Variants in MICU3 observed in about 807,000 individuals in gnomAD.
MICU3 encodes the protein mitochondrial calcium uptake 3.
Under a neutral mutation model 66.5 loss-of-function variants are expected in MICU3, and 62 were observed. The observed-to-expected ratio is 0.93, with a 90% confidence interval of 0.76 to 1.15. The LOEUF (loss-of-function observed/expected upper bound fraction) is 1.15. Ranked by LOEUF, MICU3 falls within the 50% of genes most tolerant of loss-of-function variation. The pLI is 0.00. For missense variants in MICU3, 779 were observed against 664.4 expected, an observed-to-expected ratio of 1.17 and a Z score of -1.90; for synonymous variants, 308 against 240.7, an observed-to-expected ratio of 1.28 and a Z score of -2.59.
intron 1 of MICU3, among the ~76,000 whole-genome samples, chr8:17,050,904 A>C (rs760190744): frequency 1.3e-5 from 2 of 152,040 alleles, no homozygotes; most frequent in Non-Finnish European, 2.9e-5. Context: ...ACATGTTTGC[A>C]TTTATTTTTG....
At chr8:17,131,572 G>C in the MICU3 span, 2 of 152,382 alleles carry the variant, frequency 1.3e-5, no homozygotes, top group East Asian at 3.8e-4. Flanking sequence ...AAGATGTGGG[G>C]AGCAGTGACT....
chr8:17,052,048 A>G (rs1030965940), intron 1 of MICU3, among the ~76,000 whole-genome samples: 2 of 152,196 alleles, frequency 1.3e-5, no homozygotes, highest in Non-Finnish European at 2.9e-5. Flanking sequence ...GGAGGTCTAC[A>G]TGCTGAACCA....
At chr8:17,137,704 CCTTTTTTTT>C in the MICU3 span, among the ~76,000 whole-genome samples, 1 of 88,802 alleles carries the variant, frequency 1.1e-5, no homozygotes, top group Admixed American at 1.4e-4. Flanking sequence ...ATTTTCTTTT[CCTTTTTTTT>C]TTTTTTTTTT....
In MICU3 at chr8:17,086,203, C is replaced by T. The variant is rs555447371; in HGVS notation, c.778-761C>T. On this transcript the variant is annotated intron_variant, in intron 6 of 14. Transcript: ENST00000318063. ...CCTTTGTAACATAGCTGTAAAAATTCCTCAGAAAACCTCTGAAAGAGCTTC... is the reference window on the plus strand; with the variant it reads ...CCTTTGTAACATAGCTGTAAAAATTTCTCAGAAAACCTCTGAAAGAGCTTC... Among the ~76,000 whole-genome samples the T allele has an allele frequency of 2.6e-5, 4 of 152,050 alleles. No homozygotes were observed. The East Asian group carries it at 7.8e-4, about 29-fold the overall frequency.
intron 1 of MICU3, among the ~76,000 whole-genome samples, chr8:17,030,402 G>C (rs752050917): frequency 6.6e-6 from 1 of 152,346 alleles, no homozygotes; most frequent in East Asian, 1.9e-4. Context: ...CCAAATGTCA[G>C]TATTTTACAG....
In MICU3 at chr8:17,110,618, C is replaced by G. The variant is rs187854875; in HGVS notation, c.1258-3475C>G. Among the ~76,000 whole-genome samples the G allele has an allele frequency of 2.4e-3, 368 of 152,164 alleles. 3 individuals are homozygous for G. In the South Asian group the frequency reaches 0.028, roughly 11 times the overall value. On this transcript the variant is annotated intron_variant, in intron 11 of 14. Transcript: ENST00000318063. ...TTTCTCTGCCACCCAGGCTGGAGTG[C>G]AGTGGTGCAACCATAGGTCACTGTA...
chr8:17,057,943 G>A (rs1817204189), intron 1 of MICU3, among the ~76,000 whole-genome samples: 1 of 151,956 alleles, frequency 6.6e-6, no homozygotes, highest in Non-Finnish European at 1.5e-5. Flanking sequence ...TACGTCTCAG[G>A]TTCAAGTGAT....
chr8:17,056,791 C>G (rs1585261049), intron 1 of MICU3, among the ~76,000 whole-genome samples: 1 of 152,200 alleles, frequency 6.6e-6, no homozygotes, highest in Admixed American at 6.5e-5. Flanking sequence ...CAGAAGTTTT[C>G]TGGAAGGTGG....
chr8:17,073,897 GT>G (rs986078030), intron 3 of MICU3, among the ~76,000 whole-genome samples: 26 of 152,234 alleles, frequency 1.7e-4, no homozygotes, highest in African/African-American at 5.8e-4. Flanking sequence ...AAAAGGGCAA[GT>G]TGCAAAATAA....
chr8:17,087,181 C>G, intron 7 of MICU3, 146 bp downstream of exon 7: 2 of 582,830 alleles, frequency 3.4e-6, no homozygotes, highest in Non-Finnish European at 6.1e-6. Flanking sequence ...AAAATTGCTT[C>G]AGTATTTATA....
At position 17,032,420 on chromosome 8, in the gene MICU3, C is replaced by A. The variant is rs530418369; in HGVS notation, c.381+4760C>A. On this transcript the variant is annotated intron_variant, in intron 1 of 14. Coordinates refer to ENST00000318063, the MANE Select transcript of MICU3 (RefSeq NM_181723.3). ...AAAAACGATTAGATTGCTTAACATACTTCAGTGTTTTACTTAATTGTACAG... is the reference window on the plus strand; with the variant it reads ...AAAAACGATTAGATTGCTTAACATAATTCAGTGTTTTACTTAATTGTACAG... Among the ~76,000 whole-genome samples, 3 of 151,956 alleles carry A rather than the reference C, an allele frequency of 2.0e-5. No individual in the cohort carries two copies. In the East Asian group the frequency reaches 5.8e-4, roughly 29 times the overall value.
intron 1 of MICU3, among the ~76,000 whole-genome samples, chr8:17,063,093 T>C (rs1818116573): frequency 6.6e-6 from 1 of 152,102 alleles, no homozygotes; most frequent in South Asian, 2.1e-4. Flanking sequence ...CACAGGAAAA[T>C]GGCCCCGAAG....
At chr8:17,111,443 T>C (rs1654273742) in intron 11 of MICU3, among the ~76,000 whole-genome samples, 1 of 152,182 alleles carries the variant, frequency 6.6e-6, no homozygotes, top group Admixed American at 6.5e-5. Flanking sequence ...TGCCTCAGCT[T>C]CTCAAGTAGC....
In MICU3 at chr8:17,085,212, T is replaced by G. The variant is rs779676253; in HGVS notation, c.695-24T>G. ...AAAATACATTTTTCCATTTTGTGAA[T>G]ACCTTCTCTGTTTTTTCTGGCAGAG... On this transcript the variant is annotated intron_variant, in intron 5 of 14. Coordinates refer to ENST00000318063, the MANE Select transcript of MICU3 (RefSeq NM_181723.3). 6.5e-6 allele frequency: 10 copies of G among 1,541,980 alleles called. No individual in the cohort carries two copies. The Admixed American group carries it at 1.8e-4, about 28-fold the overall frequency.
At chr8:17,051,452 A>G (rs1328718324) in intron 1 of MICU3, among the ~76,000 whole-genome samples, 1 of 152,180 alleles carries the variant, frequency 6.6e-6, no homozygotes, top group East Asian at 1.9e-4. Flanking sequence ...TTCTCAGCAT[A>G]TTTATAATAT....
intron 3 of MICU3, among the ~76,000 whole-genome samples, chr8:17,073,358 C>T (rs1819892017): frequency 6.6e-6 from 1 of 151,920 alleles, no homozygotes; most frequent in African/African-American, 2.4e-5. Flanking sequence ...CTCATAGGAG[C>T]CCAAACCCTA....
intron 14 of MICU3, among the ~76,000 whole-genome samples, chr8:17,119,892 A>G (rs1190735999): frequency 2.6e-5 from 4 of 152,150 alleles, no homozygotes; most frequent in Non-Finnish European, 5.9e-5. Flanking sequence ...TTAACAAAAG[A>G]AGTCAGGTCT....
chr8:17,058,756 G>A (rs1018134465), intron 1 of MICU3, among the ~76,000 whole-genome samples: 1 of 152,142 alleles, frequency 6.6e-6, no homozygotes. Flanking sequence ...CCAATCTCCT[G>A]TGCACTCTGA....
chr8:17,070,606 C>T (rs1238852277), intron 3 of MICU3, among the ~76,000 whole-genome samples: 1 of 150,732 alleles, frequency 6.6e-6, no homozygotes, highest in Non-Finnish European at 1.5e-5. Flanking sequence ...CTTTAAATTG[C>T]ATATATATTC....
Sources: allele counts gnomAD v4.1 joint callset (sites outside exome capture counted in the v4.1 genomes callset), GRCh38; gene constraint gnomAD v4.1.1; transcripts MANE v1.5; gene names NCBI Gene and HGNC (gene_info 2026-07-23, HGNC 2026-07-21).